ANKAR: variants seen among roughly 807,000 people sequenced by gnomAD.
ANKAR encodes the protein ankyrin and armadillo repeat-containing protein.
ANKAR carries 136 observed loss-of-function variants against 146.2 expected under a neutral mutation model. That is an observed-to-expected ratio of 0.93 (90% CI 0.81 to 1.07). The LOEUF (loss-of-function observed/expected upper bound fraction) is 1.07. ANKAR is among the 50% of genes least tolerant of loss of function. The pLI is 0.00. For missense variants in ANKAR, 1,567 were observed against 1,679.9 expected, an observed-to-expected ratio of 0.93 and a Z score of 1.18; for synonymous variants, 500 against 575.8, an observed-to-expected ratio of 0.87 and a Z score of 1.88.
intron 12 of ANKAR, among the ~76,000 whole-genome samples, chr2:189,721,751 G>C (rs1230087442): frequency 6.6e-6 from 1 of 152,182 alleles, no homozygotes; most frequent in African/African-American, 2.4e-5. Flanking sequence ...AGAAAATTGA[G>C]AAGAACTTGC....
chr2:189,676,470 A>G lies in ANKAR; in HGVS notation c.-21A>G. 6.6e-7 allele frequency: 1 copy of G among 1,517,346 alleles called. No homozygotes were observed. The allele number at this position is 1,517,346 out of a possible 1,614,324, so 94.0% of individuals were successfully genotyped here. On this transcript the variant is annotated 5_prime_UTR_variant, in exon 2 of 23. Transcript: ENST00000684021. ...ATTCATTGCAGAAGCTTCAAAAAGG[A>G]CACACTAGATTTAATTAGAAATGTT... is the stretch of plus-strand genomic sequence containing the variant.
At chr2:189,684,491 G>C (rs1408802722) in intron 2 of ANKAR, among the ~76,000 whole-genome samples, 4 of 152,120 alleles carry the variant, frequency 2.6e-5, no homozygotes, top group Admixed American at 2.6e-4. Flanking sequence ...TAAATTCTCA[G>C]CACCTTATAC....
chr2:189,688,861 A>G (rs1487305149), intron 2 of ANKAR, among the ~76,000 whole-genome samples: 2 of 152,208 alleles, frequency 1.3e-5, no homozygotes, highest in African/African-American at 4.8e-5. Context: ...GCCTCTGTAA[A>G]CAGGCCAGAA....
At position 189,746,446 on chromosome 2, in the gene ANKAR, C is replaced by T. The variant is rs755087833; in HGVS notation, c.4124C>T (p.Pro1375Leu). The T allele has an allele frequency of 6.2e-7, 1 of 1,612,860 alleles. No individual in the cohort carries two copies. The highest frequency in any genetic ancestry group is 8.5e-7 in the Non-Finnish European group (1 of 1,179,632). The change falls in exon 23 of 23, where the codon CCT (proline) becomes CTT (leucine). Residue 1375 changes from proline to leucine, a missense_variant. Transcript: ENST00000684021. ...QPKDSLTLLP[P>L]VTNFMGLFKA... is the part of the protein sequence containing the mutation. The stretch of plus-strand genomic sequence containing the variant: ...AAAGATTCTTTGACTTTATTACCTC[C>T]TGTAACTAACTTCATGGGACTCTTC...
At chr2:189,718,264 G>T (rs2040768074) in intron 10 of ANKAR, among the ~76,000 whole-genome samples, 1 of 151,998 alleles carries the variant, frequency 6.6e-6, no homozygotes, top group Non-Finnish European at 1.5e-5. Flanking sequence ...ACCAGTCTGG[G>T]CAGCATAGTG....
At chr2:189,692,658 C>T in intron 4 of ANKAR, 1 of 364,286 alleles carries the variant, frequency 2.7e-6, no homozygotes, top group Non-Finnish European at 4.8e-6. Context: ...CTATCACCCT[C>T]ACAGAATTTA....
Position 189,719,601 on chromosome 2 carries a change from A to G in ANKAR, c.2254A>G (p.Lys752Glu), listed in dbSNP as rs914715422. The change falls in exon 11 of 23, where the codon AAA becomes GAA. Residue 752 changes from lysine (K) to glutamate (E), a missense_variant. Coordinates refer to ENST00000684021, the MANE Select transcript of ANKAR (RefSeq NM_001378068.1). ...CATTCCTGCCTTAATCAATCTATTA[A>G]AAAGTTCCAAAATAAAACTGCAGTG... is the stretch of plus-strand genomic sequence containing the variant. The part of the protein sequence containing the change: ...GTIPALINLL[K>E]SSKIKLQCKT... 4.3e-6 allele frequency: 7 copies of G among 1,612,780 alleles called. No individual in the cohort carries two copies. The highest frequency in any genetic ancestry group is 5.9e-6 in the Non-Finnish European group (7 of 1,179,116).
chr2:189,743,186 G>T, intron 20 of ANKAR, 89 bp from the exon 21 acceptor site: 1 of 1,321,552 alleles, frequency 7.6e-7, no homozygotes, highest in Admixed American at 2.1e-5. Context: ...CTCCCTTACA[G>T]AGACTTTCCT....
At chr2:189,760,259 A>G (rs959588003) in intron 18 of ANKAR, among the ~76,000 whole-genome samples, 5 of 152,200 alleles carry the variant, frequency 3.3e-5, no homozygotes, top group Admixed American at 2.0e-4. Flanking sequence ...CCCGTTCTCA[A>G]TGAACTGTTG....
At chr2:189,762,591 T>G (rs2047276672), downstream of ANKAR, 1 of 985,380 alleles carries the variant, frequency 1.0e-6, no homozygotes, top group African/African-American at 1.7e-5. Flanking sequence ...GCTGGTCTCC[T>G]GTCGGCTGTA....
At chr2:189,733,512 T>C (rs2042588168) in intron 17 of ANKAR, among the ~76,000 whole-genome samples, 3 of 152,204 alleles carry the variant, frequency 2.0e-5, no homozygotes, top group African/African-American at 7.2e-5. Flanking sequence ...ACAATAATTT[T>C]ATGCCCTTTC....
chr2:189,744,118 C>A (rs970904726), intron 21 of ANKAR, among the ~76,000 whole-genome samples: 1 of 152,152 alleles, frequency 6.6e-6, no homozygotes, highest in Non-Finnish European at 1.5e-5. Context: ...ACTCAAGATA[C>A]GTTAACTCTA....
At chr2:189,756,056 C>T (rs2046030581) in intron 18 of ANKAR, among the ~76,000 whole-genome samples, 1 of 152,118 alleles carries the variant, frequency 6.6e-6, no homozygotes, top group Admixed American at 6.5e-5. Context: ...GGGACTAAGG[C>T]ATCAAAGTTT....
intron 10 of ANKAR, among the ~76,000 whole-genome samples, chr2:189,711,882 T>C (rs954504521): frequency 6.6e-6 from 1 of 152,224 alleles, no homozygotes; most frequent in East Asian, 1.9e-4. Context: ...AAACGGGGCA[T>C]TCATGCCCAA....
intron 20 of ANKAR, among the ~76,000 whole-genome samples, chr2:189,742,695 TTAAA>T (rs2043450897): frequency 6.6e-6 from 1 of 152,006 alleles, no homozygotes; most frequent in Non-Finnish European, 1.5e-5. Context: ...AACAAAATAA[TTAAA>T]TAAGAGTTTC....
rs780237969 is a variant in ANKAR, at chr2:189,695,026, A to G, written c.1353A>G (p.Leu451=). 6 of 1,608,288 alleles carry G rather than the reference A, an allele frequency of 3.7e-6. No individual in the cohort carries two copies. The Admixed American group carries it at 6.7e-5, about 18-fold the overall frequency. ...AACTAGAAACTTTCTATCAGCAACT[A>G]TATAAGACACAGTGGTGGGGAGCCA... ...YFELETFYQQ[L]YKTQWWGAIN... The change falls in exon 6 of 23, where the codon CTA becomes CTG. Residue 451 remains leucine (L), a synonymous_variant. Coordinates refer to ENST00000684021, the MANE Select transcript of ANKAR (RefSeq NM_001378068.1).
At chr2:189,714,865 G>C (rs2040203455) in intron 10 of ANKAR, among the ~76,000 whole-genome samples, 1 of 146,734 alleles carries the variant, frequency 6.8e-6, no homozygotes, top group Admixed American at 7.1e-5. Context: ...ACAATGGCAT[G>C]AACCCCGGAG....
chr2:189,748,996 C>T (rs2044623319), downstream of ANKAR, among the ~76,000 whole-genome samples: 1 of 152,046 alleles, frequency 6.6e-6, no homozygotes, highest in Admixed American at 6.6e-5. Context: ...CCTGTAATCC[C>T]AGCACTTTGG....
chr2:189,696,385 T>C lies in ANKAR; in HGVS notation c.1708+16T>C, dbSNP rs1431962703. 6.2e-7 allele frequency: 1 copy of C among 1,602,100 alleles called. No individual in the cohort carries two copies. Among genetic ancestry groups the C allele is most frequent in the Non-Finnish European group, 8.5e-7 (1 of 1,174,916 alleles). The stretch of plus-strand genomic sequence containing the variant: ...TTCAGCCAAGGTACCATAAAGTTTT[T>C]TAACCTAAAATGTTGTTATTTTATT... On this transcript the variant is annotated intron_variant, in intron 7 of 22. Transcript: ENST00000684021.
Sources: gnomAD v4.1 joint callset for allele counts (sites outside exome capture counted in the v4.1 genomes callset) on GRCh38, gnomAD v4.1.1 for gene constraint, MANE v1.5 for transcripts, NCBI Gene and HGNC (gene_info 2026-07-23, HGNC 2026-07-21) for gene names.